The following RNF180 variants were observed in gnomAD, a reference collection of about 807,000 sequenced individuals.
RNF180 encodes the protein ring finger protein 180.
Under a neutral mutation model 59.2 loss-of-function variants are expected in RNF180, and 38 were observed. The ratio of observed to expected loss-of-function variants is 0.64; its 90% CI spans 0.50 to 0.84. The LOEUF is 0.84. Ranked by LOEUF, RNF180 falls within the 40% of genes least tolerant of loss-of-function variation. The pLI, the probability that RNF180 is intolerant of heterozygous loss-of-function variation, is 0.00. For synonymous variants in RNF180, 262 were observed against 240.3 expected (o/e 1.09, Z -0.84); for missense variants, 705 against 700.9 (o/e 1.01, Z -0.07).
chr5:64,327,884 G>A (rs1395849738), intron 6 of RNF180, among the ~76,000 whole-genome samples: 1 of 152,192 alleles, frequency 6.6e-6, no homozygotes, highest in Non-Finnish European at 1.5e-5. Flanking sequence ...AACTGTTATT[G>A]TATTGAGATC....
intron 2 of RNF180, among the ~76,000 whole-genome samples, chr5:64,210,242 A>C (rs1336654612): frequency 2.6e-5 from 4 of 152,048 alleles, no homozygotes; most frequent in Non-Finnish European, 5.9e-5. Context: ...TGATCTAGGG[A>C]CCACATTTTG....
intron 5 of RNF180, among the ~76,000 whole-genome samples, chr5:64,243,231 T>A (rs1742904136): frequency 6.6e-6 from 1 of 152,044 alleles, no homozygotes; most frequent in African/African-American, 2.4e-5. Flanking sequence ...GGAATGCCAG[T>A]GAGACAGAAC....
At chr5:64,225,299 C>T (rs185498501) in intron 5 of RNF180, among the ~76,000 whole-genome samples, 11 of 150,126 alleles carry the variant, frequency 7.3e-5, no homozygotes, top group East Asian at 5.9e-4. Context: ...CCGGCCGCCC[C>T]GTCTGGGAAG....
intron 5 of RNF180, among the ~76,000 whole-genome samples, chr5:64,300,253 A>T (rs1229250763): frequency 2.0e-5 from 3 of 151,834 alleles, no homozygotes; most frequent in Admixed American, 1.3e-4. Flanking sequence ...GACATTGTGA[A>T]GGAAAAAAAT....
intron 5 of RNF180, among the ~76,000 whole-genome samples, chr5:64,218,514 G>A (rs976343218): frequency 6.6e-6 from 1 of 151,876 alleles, no homozygotes; most frequent in African/African-American, 2.4e-5. Flanking sequence ...TTTTTCCTGT[G>A]ACTTTGTTAT....
intron 5 of RNF180, among the ~76,000 whole-genome samples, chr5:64,301,958 TATACACTCTTA>T (rs1274175645): frequency 6.6e-6 from 1 of 151,658 alleles, no homozygotes; most frequent in African/African-American, 2.4e-5. Flanking sequence ...ACTTAACACA[TATACACTCTTA>T]ATATGTTTTT....
rs532210891 is a variant in RNF180 at position 64,226,460 on chromosome 5, G to T, written c.1227+9064G>T. Among the ~76,000 whole-genome samples, 752 of 152,180 alleles carry T rather than the reference G, an allele frequency of 4.9e-3. 10 individuals are homozygous for T. The highest frequency in any genetic ancestry group is 0.017 in the African/African-American group (704 of 41,528). Reference sequence around the variant, plus strand: ...TGCTTTGTTAAACAGATGCTTGAAGGCAGCATGCTCGTTAAGAGTCATCAC... The same window carrying T: ...TGCTTTGTTAAACAGATGCTTGAAGTCAGCATGCTCGTTAAGAGTCATCAC... On this transcript the variant is annotated intron_variant, in intron 5 of 7. Transcript: ENST00000389100.
intron 5 of RNF180, among the ~76,000 whole-genome samples, chr5:64,312,970 T>A (rs1265664120): frequency 6.6e-6 from 1 of 152,124 alleles, no homozygotes; most frequent in African/African-American, 2.4e-5. Context: ...TGAAGTAAAT[T>A]CAGGTTGAGT....
intron 7 of RNF180, among the ~76,000 whole-genome samples, chr5:64,350,996 G>C (rs1291514778): frequency 6.6e-6 from 1 of 151,858 alleles, no homozygotes; most frequent in Non-Finnish European, 1.5e-5. Context: ...AAATTACCTT[G>C]GGCAGTATGG....
chr5:64,259,584 T>C (rs1385334553), intron 5 of RNF180, among the ~76,000 whole-genome samples: 1 of 152,152 alleles, frequency 6.6e-6, no homozygotes, highest in Non-Finnish European at 1.5e-5. Flanking sequence ...TTTTTCAAAT[T>C]TAAGTTAGCA....
intron 5 of RNF180, among the ~76,000 whole-genome samples, chr5:64,276,871 G>A (rs1222892335): frequency 6.6e-6 from 1 of 151,862 alleles, no homozygotes; most frequent in Non-Finnish European, 1.5e-5. Flanking sequence ...TATTACCAAC[G>A]CAAGCACCTG....
At chr5:64,232,328 GT>G (rs534750063) in intron 5 of RNF180, among the ~76,000 whole-genome samples, 3 of 152,228 alleles carry the variant, frequency 2.0e-5, no homozygotes, top group Admixed American at 6.5e-5. Context: ...CACTAGGGGA[GT>G]TTTTTTACAA....
chr5:64,223,383 A>G (rs939528162), intron 5 of RNF180, among the ~76,000 whole-genome samples: 2 of 152,218 alleles, frequency 1.3e-5, no homozygotes, highest in African/African-American at 4.8e-5. Flanking sequence ...AAGGTAGTAC[A>G]TTCACAGGAT....
At chr5:64,334,058 A>G (rs1360189910) in intron 7 of RNF180, among the ~76,000 whole-genome samples, 1 of 152,224 alleles carries the variant, frequency 6.6e-6, no homozygotes, top group Non-Finnish European at 1.5e-5. Context: ...AGGGCCACAT[A>G]GAGCAGGGCA....
intron 7 of RNF180, among the ~76,000 whole-genome samples, chr5:64,368,778 T>G (rs1178497279): frequency 6.6e-6 from 1 of 151,934 alleles, no homozygotes; most frequent in Non-Finnish European, 1.5e-5. Flanking sequence ...TCACACCAGT[T>G]AGAATGGCAG....
rs1341335745 is a variant in RNF180, at chr5:64,371,324, G to C, written c.*1510G>C. The stretch of plus-strand genomic sequence containing the variant: ...AAAGTAAACATAAGGGAAAATATCA[G>C]CTCTCTTAAAATATATAGCAAGATT... On this transcript the variant is annotated 3_prime_UTR_variant, in exon 8 of 8. Coordinates refer to ENST00000389100, the MANE Select transcript of RNF180 (RefSeq NM_001113561.2). The C allele has an allele frequency of 6.6e-6, 1 of 151,458 alleles. No homozygotes were observed. The highest frequency in any genetic ancestry group is 1.5e-5 in the Non-Finnish European group (1 of 67,628). The allele number at this position is 151,458 out of a possible 1,614,324, so 9.4% of individuals were successfully genotyped here.
At chr5:64,279,393 C>T (rs1017509053) in intron 5 of RNF180, among the ~76,000 whole-genome samples, 2 of 152,198 alleles carry the variant, frequency 1.3e-5, no homozygotes, top group Non-Finnish European at 1.5e-5. Flanking sequence ...AAAGAAGTGA[C>T]TATGGCTAGA....
intron 1 of RNF180, among the ~76,000 whole-genome samples, chr5:64,187,257 G>A (rs560119220): frequency 1.3e-5 from 2 of 152,262 alleles, no homozygotes; most frequent in East Asian, 3.9e-4. Flanking sequence ...AGGATATGAA[G>A]TACTGGTAGC....
intron 5 of RNF180, among the ~76,000 whole-genome samples, chr5:64,223,028 A>G (rs972991711): frequency 2.0e-5 from 3 of 152,226 alleles, no homozygotes; most frequent in African/African-American, 7.2e-5. Context: ...ATTGGTTAAA[A>G]TAACACAGTT....
Sources: allele counts gnomAD v4.1 joint callset (sites outside exome capture counted in the v4.1 genomes callset), GRCh38; gene constraint gnomAD v4.1.1; transcripts MANE v1.5; gene names NCBI Gene and HGNC (gene_info 2026-07-23, HGNC 2026-07-21).